The following APP variants were observed in gnomAD, a reference collection of about 807,000 sequenced individuals.
APP encodes the protein amyloid beta precursor protein, also known as amyloid-beta precursor protein.
APP carries 31 observed loss-of-function variants against 101.4 expected under a neutral mutation model. The observed-to-expected ratio is 0.31, with a 90% CI of 0.23 to 0.41. APP has a LOEUF of 0.41. APP is among the 10% of genes least tolerant of loss of function. The pLI, the probability that APP is intolerant of heterozygous loss-of-function variation, is 1.00. For synonymous variants in APP, 366 were observed against 364.4 expected (o/e 1.00, Z -0.05); for missense variants, 839 against 1,003.7 (o/e 0.84, Z 2.22).
At chr21:26,066,381 T>C (rs1465989664) in intron 3 of APP, among the ~76,000 whole-genome samples, 1 of 152,146 alleles carries the variant, frequency 6.6e-6, no homozygotes, top group African/African-American at 2.4e-5. Context: ...TTCATATCGT[T>C]GTACAACCAT....
intron 1 of APP, among the ~76,000 whole-genome samples, chr21:26,166,523 G>A (rs189937176): frequency 2.4e-4 from 37 of 151,912 alleles, no homozygotes; most frequent in East Asian, 1.4e-3. Flanking sequence ...TCAACTCATC[G>A]GAACATTTAT....
chr21:25,937,573 G>A (rs2040410327), intron 13 of APP, among the ~76,000 whole-genome samples: 1 of 152,134 alleles, frequency 6.6e-6, no homozygotes, highest in Non-Finnish European at 1.5e-5. Flanking sequence ...GATTTGAAGA[G>A]AGCCTAAATG....
intron 13 of APP, among the ~76,000 whole-genome samples, chr21:25,929,648 T>A (rs1421623311): frequency 6.6e-6 from 1 of 152,202 alleles, no homozygotes; most frequent in African/African-American, 2.4e-5. Flanking sequence ...TTGGAAAAAA[T>A]GAAACGTGAG....
chr21:25,930,407 T>C (rs2040091443), intron 13 of APP, among the ~76,000 whole-genome samples: 1 of 152,204 alleles, frequency 6.6e-6, no homozygotes, highest in South Asian at 2.1e-4. Context: ...TGTTGATACA[T>C]GCTGAATTGA....
At chr21:26,153,585 A>G (rs1417816890) in intron 1 of APP, among the ~76,000 whole-genome samples, 1 of 152,174 alleles carries the variant, frequency 6.6e-6, no homozygotes, top group African/African-American at 2.4e-5. Flanking sequence ...TTTTGGGACT[A>G]CAGGCGACAG....
At position 26,105,107 on chromosome 21, in the gene APP, A is replaced by G. The variant is rs7283060; in HGVS notation, c.225+6872T>C. ...AAAAAAAAGAAGAAGAATTTGCCCA[A>G]TGACAGATACCAGAATACCGTGAAT... On this transcript the variant is annotated intron_variant, in intron 2 of 17. Coordinates refer to ENST00000346798, the MANE Select transcript of APP (RefSeq NM_000484.4). Among the ~76,000 whole-genome samples, 934 of 151,768 alleles carry G rather than the reference A, an allele frequency of 6.2e-3. 5 individuals are homozygous for G. Among genetic ancestry groups the G allele is most frequent in the Middle Eastern group, 0.01 (3 of 294 alleles).
At chr21:26,094,659 C>T (rs2061901494) in intron 2 of APP, among the ~76,000 whole-genome samples, 1 of 149,984 alleles carries the variant, frequency 6.7e-6, no homozygotes, top group Admixed American at 6.6e-5. Context: ...TATAGTTCAA[C>T]ATTTTAGACA....
intron 2 of APP, among the ~76,000 whole-genome samples, chr21:26,096,534 G>T (rs2061945733): frequency 6.6e-6 from 1 of 152,220 alleles, no homozygotes; most frequent in South Asian, 2.1e-4. Flanking sequence ...TTTCCCTCAA[G>T]GGCTTTCACG....
intron 3 of APP, among the ~76,000 whole-genome samples, chr21:26,088,724 C>T (rs1416450046): frequency 6.6e-6 from 1 of 152,172 alleles, no homozygotes; most frequent in Non-Finnish European, 1.5e-5. Flanking sequence ...AATTAAACTG[C>T]ACTTTTTGAT....
chr21:25,972,262 C>A (rs1466444932), intron 11 of APP, among the ~76,000 whole-genome samples: 1 of 151,860 alleles, frequency 6.6e-6, no homozygotes. Context: ...TAAGGGCAGA[C>A]TGAATGATAC....
Position 25,897,679 on chromosome 21 carries a change from T to A in APP, c.1964-6A>T. 1 of 1,603,632 alleles carries A rather than the reference T, an allele frequency of 6.2e-7. No individual in the cohort carries two copies. The highest frequency in any genetic ancestry group is 1.1e-5 in the South Asian group (1 of 90,862). Reference sequence around the variant, plus strand: ...GATATTTGTCAACCCAGAACCTGTATTACATCATAATTAAAGTATGCAGGA... The same window carrying A: ...GATATTTGTCAACCCAGAACCTGTAATACATCATAATTAAAGTATGCAGGA... On this transcript the variant is annotated splice_polypyrimidine_tract_variant and splice_region_variant and intron_variant, in intron 15 of 17. Coordinates refer to ENST00000346798, the MANE Select transcript of APP (RefSeq NM_000484.4).
At chr21:26,084,267 C>G (rs1344297813) in intron 3 of APP, among the ~76,000 whole-genome samples, 1 of 112,388 alleles carries the variant, frequency 8.9e-6, no homozygotes, top group Non-Finnish European at 1.7e-5. Context: ...GAGACTGAGT[C>G]TCGCTCTGTC....
At chr21:25,978,069 C>T (rs1601093594) in intron 9 of APP, among the ~76,000 whole-genome samples, 1 of 152,190 alleles carries the variant, frequency 6.6e-6, no homozygotes, top group East Asian at 1.9e-4. Context: ...TTACCTCATA[C>T]ACTTTAAGAA....
intron 1 of APP, among the ~76,000 whole-genome samples, chr21:26,127,544 C>T (rs2062709803): frequency 6.6e-6 from 1 of 152,162 alleles, no homozygotes; most frequent in Admixed American, 6.5e-5. Context: ...GGGTCTAATC[C>T]ATCACTGTCT....
rs188504123 is a variant in APP at position 26,018,991 on chromosome 21, C to T, written c.865+2849G>A. ...GCAAAAAGAACTGGACTAATGCAGA[C>T]GATAATGAGACCAATTTATCTCAAG... On this transcript the variant is annotated intron_variant, in intron 6 of 17. Coordinates refer to ENST00000346798, the MANE Select transcript of APP (RefSeq NM_000484.4). Among the ~76,000 whole-genome samples the T allele has an allele frequency of 9.3e-4, 142 of 152,264 alleles. 1 individual carries two copies. The highest frequency in any genetic ancestry group is 2.4e-3 in the Admixed American group (36 of 15,300).
intron 5 of APP, among the ~76,000 whole-genome samples, chr21:26,044,415 G>C (rs1013977913): frequency 1.3e-5 from 2 of 152,224 alleles, no homozygotes; most frequent in Non-Finnish European, 2.9e-5. Flanking sequence ...TTACCAATTA[G>C]ATAAACCAGA....
intron 1 of APP, among the ~76,000 whole-genome samples, chr21:26,154,132 C>CT (rs2146352498): frequency 6.6e-6 from 1 of 152,280 alleles, no homozygotes; most frequent in Non-Finnish European, 1.5e-5. Context: ...AAGTATCATA[C>CT]TTTAAGTGTA....
intron 5 of APP, among the ~76,000 whole-genome samples, chr21:26,047,521 C>T (rs2045659159): frequency 6.6e-6 from 1 of 152,120 alleles, no homozygotes. Flanking sequence ...TGAAAGAAGC[C>T]CTGCCCGCCT....
intron 16 of APP, among the ~76,000 whole-genome samples, chr21:25,893,812 A>G (rs1441470450): frequency 2.0e-5 from 3 of 152,238 alleles, no homozygotes; most frequent in South Asian, 2.1e-4. Context: ...CTCCTGATGA[A>G]GGTGGCTACA....
Sources: gnomAD v4.1 joint callset for allele counts (sites outside exome capture counted in the v4.1 genomes callset) on GRCh38, gnomAD v4.1.1 for gene constraint, MANE v1.5 for transcripts, NCBI Gene and HGNC (gene_info 2026-07-23, HGNC 2026-07-21) for gene names.